SGMS1: variants seen among roughly 807,000 people sequenced by gnomAD.
SGMS1 encodes sphingomyelin synthase 1, also known as phosphatidylcholine:ceramide cholinephosphotransferase 1.
Under a neutral mutation model 46.2 loss-of-function variants are expected in SGMS1, and 13 were observed. The observed-to-expected ratio is 0.28, with a 90% CI of 0.18 to 0.45. The LOEUF is 0.45. Among genes scored for constraint, SGMS1 ranks in the 20% least tolerant of loss-of-function variants. The pLI, the probability that SGMS1 is intolerant of heterozygous loss-of-function variation, is 1.00. For synonymous variants in SGMS1, 203 were observed against 187.8 expected (o/e 1.08, Z -0.66); for missense variants, 324 against 519.9 (o/e 0.62, Z 3.66).
intron 3 of SGMS1, among the ~76,000 whole-genome samples, chr10:50,487,191 G>C (rs1837528291): frequency 6.6e-6 from 1 of 152,170 alleles, no homozygotes; most frequent in African/African-American, 2.4e-5. Flanking sequence ...GAGGGACATG[G>C]TTGGAGCTGG....
intron 3 of SGMS1, among the ~76,000 whole-genome samples, chr10:50,513,122 C>G (rs976535761): frequency 1.3e-5 from 2 of 152,128 alleles, no homozygotes; most frequent in Non-Finnish European, 2.9e-5. Context: ...TGTTAAGTAC[C>G]AGTAGGTCCC....
intron 6 of SGMS1, among the ~76,000 whole-genome samples, chr10:50,415,939 C>G (rs1849163514): frequency 6.6e-6 from 1 of 152,150 alleles, no homozygotes; most frequent in Admixed American, 6.5e-5. Flanking sequence ...GAGGAAAATG[C>G]ACACCCTGAA....
upstream of SGMS1, chr10:50,625,128 C>T (rs897297610): frequency 1.1e-6 from 1 of 930,624 alleles, no homozygotes; most frequent in Non-Finnish European, 1.3e-6. Context: ...CTGGCTTGCC[C>T]AGAGGACAGG....
chr10:50,609,245 A>G (rs997496667), intron 1 of SGMS1, among the ~76,000 whole-genome samples: 5 of 152,318 alleles, frequency 3.3e-5, no homozygotes, highest in African/African-American at 9.6e-5. Context: ...TGCTGGGATT[A>G]CAGACATGAG....
At chr10:50,478,847 C>A (rs546233737) in intron 3 of SGMS1, among the ~76,000 whole-genome samples, 1 of 152,040 alleles carries the variant, frequency 6.6e-6, no homozygotes, top group South Asian at 2.1e-4. Flanking sequence ...GTAAAATTGC[C>A]CCTGTTGTAA....
chr10:50,313,458 C>T (rs1019035301), intron 8 of SGMS1, among the ~76,000 whole-genome samples: 21 of 152,152 alleles, frequency 1.4e-4, no homozygotes, highest in African/African-American at 3.4e-4. Flanking sequence ...TAGGAAAAGG[C>T]GCTGTTGGGG....
At chr10:50,477,310 A>G (rs926190296) in intron 3 of SGMS1, among the ~76,000 whole-genome samples, 1 of 152,266 alleles carries the variant, frequency 6.6e-6, no homozygotes. Flanking sequence ...CATGGGGCCT[A>G]TAGGCCCTCT....
At chr10:50,509,726 A>G (rs2064759) in intron 3 of SGMS1, among the ~76,000 whole-genome samples, 27,066 of 152,174 alleles carry the variant, frequency 0.18, 2,678 homozygotes, top group Admixed American at 0.23. Context: ...CCCAATTAGA[A>G]GCCAGAGTAC....
intron 3 of SGMS1, among the ~76,000 whole-genome samples, chr10:50,468,664 C>T (rs1247323533): frequency 6.6e-6 from 1 of 152,154 alleles, no homozygotes; most frequent in Admixed American, 6.5e-5. Context: ...GAACCCATGA[C>T]AGTGTCATCT....
chr10:50,559,450 GAAGAA>G (rs1426363467), intron 2 of SGMS1, among the ~76,000 whole-genome samples: 1 of 152,206 alleles, frequency 6.6e-6, no homozygotes, highest in East Asian at 1.9e-4. Context: ...CTTTGGAAAT[GAAGAA>G]GAGAAAGAAT....
intron 2 of SGMS1, among the ~76,000 whole-genome samples, chr10:50,551,821 A>G (rs554358910): frequency 3.9e-5 from 6 of 152,070 alleles, no homozygotes; most frequent in Non-Finnish European, 8.8e-5. Context: ...TGTTCATTGT[A>G]TTCTCCGATC....
intron 6 of SGMS1, among the ~76,000 whole-genome samples, 180 bp downstream of exon 6, chr10:50,433,296 G>A (rs999116166): frequency 1.3e-5 from 2 of 152,134 alleles, no homozygotes; most frequent in Non-Finnish European, 1.5e-5. Context: ...AAAGAAGTAC[G>A]CAAAATAAGA....
intron 6 of SGMS1, among the ~76,000 whole-genome samples, chr10:50,355,191 C>G (rs546021668): frequency 6.6e-6 from 1 of 152,206 alleles, no homozygotes; most frequent in African/African-American, 2.4e-5. Flanking sequence ...TTGGAACCAA[C>G]CCAAATGTCC....
At chr10:50,512,692 G>A (rs949721488) in intron 3 of SGMS1, among the ~76,000 whole-genome samples, 1 of 152,228 alleles carries the variant, frequency 6.6e-6, no homozygotes, top group Non-Finnish European at 1.5e-5. Flanking sequence ...GCTTCCACAT[G>A]TAGAAATGGT....
At chr10:50,435,632 A>G (rs1849465077) in intron 5 of SGMS1, among the ~76,000 whole-genome samples, 1 of 152,054 alleles carries the variant, frequency 6.6e-6, no homozygotes, top group African/African-American at 2.4e-5. Context: ...TTGATGATGA[A>G]TTCCTGAAAA....
chr10:50,476,713 G>C (rs370988029), intron 3 of SGMS1, among the ~76,000 whole-genome samples: 46 of 152,286 alleles, frequency 3.0e-4, no homozygotes, highest in African/African-American at 1.1e-3. Context: ...ATGGCTCCTT[G>C]CATCCCAGCC....
intron 7 of SGMS1, chr10:50,343,283 T>C (rs778552589): frequency 2.0e-5 from 10 of 504,978 alleles, no homozygotes; most frequent in Non-Finnish European, 3.1e-5. Context: ...TCATCCTGTA[T>C]GAATCTTGCA....
At chr10:50,427,906 A>T (rs1462717754) in intron 6 of SGMS1, among the ~76,000 whole-genome samples, 1 of 152,176 alleles carries the variant, frequency 6.6e-6, no homozygotes, top group Non-Finnish European at 1.5e-5. Flanking sequence ...GGAGAAAGAC[A>T]GCAGTGGAAC....
chr10:50,342,443 A>G (rs1847835243), intron 7 of SGMS1: 1 of 152,226 alleles, frequency 6.6e-6, no homozygotes, highest in Admixed American at 6.5e-5. Context: ...TCCCTGGGAA[A>G]GTGTCAGGAA....
Sources: gnomAD v4.1 joint callset for allele counts (sites outside exome capture counted in the v4.1 genomes callset) on GRCh38, gnomAD v4.1.1 for gene constraint, MANE v1.5 for transcripts, NCBI Gene and HGNC (gene_info 2026-07-23, HGNC 2026-07-21) for gene names.